Variants in SNX27 observed in about 807,000 individuals in gnomAD.
The protein encoded by SNX27 is sorting nexin-27.
A neutral mutation model predicts 71.6 loss-of-function variants in SNX27; 22 were observed. The ratio of observed to expected loss-of-function variants is 0.31; its 90% CI spans 0.22 to 0.44. SNX27 has a LOEUF of 0.44. Among genes scored for constraint, SNX27 ranks in the 20% least tolerant of loss-of-function variants. SNX27 has a pLI of 1.00. For missense variants in SNX27, 531 were observed against 698.6 expected, an observed-to-expected ratio of 0.76 and a Z score of 2.70; for synonymous variants, 269 against 277.2, an observed-to-expected ratio of 0.97 and a Z score of 0.29.
intron 8 of SNX27, among the ~76,000 whole-genome samples, chr1:151,685,796 T>A (rs1671172079): frequency 6.6e-6 from 1 of 152,232 alleles, no homozygotes; most frequent in Non-Finnish European, 1.5e-5. Flanking sequence ...AAGTAATAAA[T>A]CTCTATACCT....
intron 3 of SNX27, chr1:151,660,276 A>C (rs1401764094): frequency 6.8e-6 from 1 of 147,760 alleles, no homozygotes; most frequent in Non-Finnish European, 1.5e-5. Context: ...TTTTGAAGCT[A>C]AAGTTAAAGT....
chr1:151,663,395 C>T (rs1186982390), intron 5 of SNX27, among the ~76,000 whole-genome samples: 1 of 152,112 alleles, frequency 6.6e-6, no homozygotes, highest in Non-Finnish European at 1.5e-5. Flanking sequence ...CATGATCCTC[C>T]TGCATTGGCC....
chr1:151,684,306 C>T (rs779645430), intron 8 of SNX27, among the ~76,000 whole-genome samples: 20 of 152,170 alleles, frequency 1.3e-4, no homozygotes, highest in Non-Finnish European at 1.9e-4. Flanking sequence ...ATTCAGTTCT[C>T]TAGCTGCTCT....
At chr1:151,658,100 A>T in intron 2 of SNX27, 135 bp from the exon 3 acceptor site, 1 of 729,464 alleles carries the variant, frequency 1.4e-6, no homozygotes, top group Non-Finnish European at 2.1e-6. Context: ...GTCTTACTTT[A>T]AAGTGAGCTT....
chr1:151,627,271 C>T (rs916993198), intron 1 of SNX27, among the ~76,000 whole-genome samples: 2 of 152,188 alleles, frequency 1.3e-5, no homozygotes, highest in African/African-American at 4.8e-5. Context: ...TCCCATCTGC[C>T]ACCCATTTAC....
chr1:151,626,474 T>C (rs571422042), intron 1 of SNX27, among the ~76,000 whole-genome samples: 1 of 152,232 alleles, frequency 6.6e-6, no homozygotes, highest in South Asian at 2.1e-4. Context: ...AAGAGAATAC[T>C]GTTTTATCAT....
At chr1:151,640,641 C>T (rs1668681534) in intron 2 of SNX27, among the ~76,000 whole-genome samples, 1 of 152,186 alleles carries the variant, frequency 6.6e-6, no homozygotes, top group Non-Finnish European at 1.5e-5. Context: ...TCCCAAAGTG[C>T]TGGGATTACA....
intron 1 of SNX27, among the ~76,000 whole-genome samples, chr1:151,631,244 T>G (rs1357397061): frequency 6.6e-6 from 1 of 152,194 alleles, no homozygotes; most frequent in African/African-American, 2.4e-5. Context: ...CAGTGAAAAG[T>G]CAAAGGAAGT....
chr1:151,685,851 C>T (rs925628398), intron 8 of SNX27, among the ~76,000 whole-genome samples: 10 of 152,178 alleles, frequency 6.6e-5, no homozygotes, highest in Non-Finnish European at 1.0e-4. Flanking sequence ...CAATGTTCTA[C>T]GTATCAGCAG....
chr1:151,630,300 T>C (rs1668165428), intron 1 of SNX27, among the ~76,000 whole-genome samples: 1 of 152,174 alleles, frequency 6.6e-6, no homozygotes, highest in South Asian at 2.1e-4. Context: ...TTTATATCTT[T>C]AGATGCATAT....
intron 2 of SNX27, among the ~76,000 whole-genome samples, chr1:151,640,130 G>A (rs1668658669): frequency 6.6e-6 from 1 of 152,196 alleles, no homozygotes; most frequent in African/African-American, 2.4e-5. Flanking sequence ...GTAATTAGCT[G>A]TAGATAATGG....
At chr1:151,688,371 C>T (rs1412163619) in intron 8 of SNX27, among the ~76,000 whole-genome samples, 1 of 152,164 alleles carries the variant, frequency 6.6e-6, no homozygotes. Context: ...CGGTGGCTTA[C>T]GCCTGTAATC....
At chr1:151,616,858 A>G (rs1218840793) in intron 1 of SNX27, among the ~76,000 whole-genome samples, 1 of 152,192 alleles carries the variant, frequency 6.6e-6, no homozygotes, top group Admixed American at 6.5e-5. Context: ...TCACCTTTTA[A>G]GGGTTATGAT....
chr1:151,690,395 A>C (rs1671384127), intron 8 of SNX27, among the ~76,000 whole-genome samples: 1 of 152,086 alleles, frequency 6.6e-6, no homozygotes, highest in South Asian at 2.1e-4. Context: ...GCTGTCATTT[A>C]TTAAATGCCT....
chr1:151,616,604 C>G (rs1169893328), intron 1 of SNX27, among the ~76,000 whole-genome samples: 2 of 152,158 alleles, frequency 1.3e-5, no homozygotes, highest in South Asian at 2.1e-4. Context: ...GCTGGTGCCA[C>G]AAGAAGTATT....
intron 2 of SNX27, among the ~76,000 whole-genome samples, chr1:151,657,154 C>T (rs1399336073): frequency 6.6e-6 from 1 of 152,138 alleles, no homozygotes; most frequent in East Asian, 1.9e-4. Context: ...AAGGAACTAA[C>T]AAAAATTCCA....
At chr1:151,640,995 G>T (rs1444721827) in intron 2 of SNX27, among the ~76,000 whole-genome samples, 1 of 151,936 alleles carries the variant, frequency 6.6e-6, no homozygotes, top group East Asian at 1.9e-4. Context: ...AGTTAGTATA[G>T]TGCTTAAGAT....
chr1:151,631,363 G>A (rs1054401073), intron 1 of SNX27, among the ~76,000 whole-genome samples: 5 of 152,172 alleles, frequency 3.3e-5, no homozygotes, highest in Non-Finnish European at 5.9e-5. Context: ...ACAAAGCTCT[G>A]TATAATTGAG....
At chr1:151,668,727 G>GAGCAAAGCAGC in intron 7 of SNX27, 92 bp downstream of exon 7, 1 of 1,158,676 alleles carries the variant, frequency 8.6e-7, no homozygotes, top group Non-Finnish European at 1.2e-6. Context: ...CCTTAGACAG[G>GAGCAAAGCAGC]CTGCTTTGCT....
Sources: allele counts gnomAD v4.1 joint callset (sites outside exome capture counted in the v4.1 genomes callset), GRCh38; gene constraint gnomAD v4.1.1; transcripts MANE v1.5; gene names NCBI Gene and HGNC (gene_info 2026-07-23, HGNC 2026-07-21).